Variants in WSCD1 observed in about 807,000 individuals in gnomAD.
The protein encoded by WSCD1 is sialate:O-sulfotransferase 1.
A neutral mutation model predicts 60.4 loss-of-function variants in WSCD1; 41 were observed. The observed-to-expected ratio is 0.68, with a 90% CI of 0.53 to 0.88. The LOEUF (loss-of-function observed/expected upper bound fraction) is 0.88, where lower values mean the gene tolerates loss of function less well. Ranked by LOEUF, WSCD1 falls within the 40% of genes least tolerant of loss-of-function variation. WSCD1 has a pLI of 0.00. For synonymous variants in WSCD1, 361 were observed against 332.5 expected, an observed-to-expected ratio of 1.09 and a Z score of -0.93; for missense variants, 784 against 796.2, an observed-to-expected ratio of 0.98 and a Z score of 0.18.
chr17:6,109,564 C>T (rs1338265933), intron 5 of WSCD1, 43 bp from the exon 6 acceptor site: 1 of 1,598,308 alleles, frequency 6.3e-7, no homozygotes, highest in African/African-American at 1.3e-5. Context: ...GCATGACCCT[C>T]AAATTCACTC....
In WSCD1 at chr17:6,101,985, G is replaced by A. The variant is rs1211707546; in HGVS notation, c.849+6762G>A. On this transcript the variant is annotated intron_variant, in intron 5 of 8. Transcript: ENST00000317744. The surrounding 1 kb of genome is among the most constrained non-coding windows in gnomAD (Gnocchi z 4.1). ...TCCACCGGCGATTATACCTTGTGATGTGAGGTTTGTTCTCCCAGCTGCTGT... is the reference window on the plus strand; with the variant it reads ...TCCACCGGCGATTATACCTTGTGATATGAGGTTTGTTCTCCCAGCTGCTGT... Among the ~76,000 whole-genome samples, 1 of 151,896 alleles carries A rather than the reference G, an allele frequency of 6.6e-6. No homozygotes were observed. The highest frequency in any genetic ancestry group is 1.5e-5 in the Non-Finnish European group (1 of 68,048).
At position 6,110,864 on chromosome 17, in the gene WSCD1, G is replaced by A. The variant is rs368585262; in HGVS notation, c.1103G>A (p.Arg368Gln). Reference sequence around the variant, plus strand: ...CCAGGAGCCGGGAACACATGGGCACGGCACCTCATTGAGCATGCCACTGGC... The same window carrying A: ...CCAGGAGCCGGGAACACATGGGCACAGCACCTCATTGAGCATGCCACTGGC... The part of the protein sequence containing the change: ...SFPGAGNTWA[R>Q]HLIEHATGFY... The change falls in exon 7 of 9, where the codon CGG becomes CAG. Residue 368 changes from arginine (R) to glutamine (Q), a missense_variant. Arg to Gln is a conservative substitution (Grantham distance 43). Transcript: ENST00000317744. This position sits in a 1 kb window ranked among gnomAD's most constrained non-coding sequence, Gnocchi z 4.8. 14 of 1,613,726 alleles carry A rather than the reference G, an allele frequency of 8.7e-6. No homozygotes were observed. Among genetic ancestry groups the A allele is most frequent in the South Asian group, 4.4e-5 (4 of 91,042 alleles).
intron 5 of WSCD1, among the ~76,000 whole-genome samples, chr17:6,106,187 G>A (rs1911077140): frequency 6.6e-6 from 1 of 152,202 alleles, no homozygotes; most frequent in Admixed American, 6.5e-5. Context: ...AACCAACCAG[G>A]TAAGTAAATT....
At chr17:6,105,754 C>A (rs1183826341) in intron 5 of WSCD1, among the ~76,000 whole-genome samples, 1 of 152,182 alleles carries the variant, frequency 6.6e-6, no homozygotes, top group East Asian at 1.9e-4. Context: ...GTCAGTGGGG[C>A]TGTTACTGCT....
rs1908470956 is a variant in WSCD1, at chr17:6,070,591, G to A, written c.-350G>A. The A allele has an allele frequency of 6.7e-6, 1 of 149,298 alleles. No individual in the cohort carries two copies. The highest frequency in any genetic ancestry group is 2.1e-4 in the South Asian group (1 of 4,818). 9.2% of individuals were successfully genotyped at this position (149,298 alleles called of 1,614,324 possible). On this transcript the variant is annotated 5_prime_UTR_variant, in exon 1 of 9. Coordinates refer to ENST00000317744, the MANE Select transcript of WSCD1 (RefSeq NM_015253.2). Reference sequence around the variant, plus strand: ...GGCACTGCGGGGGGCTGCGGGCTCGGCGCCCGGGGAAGGCGGGCCATGGGC... The same window carrying A: ...GGCACTGCGGGGGGCTGCGGGCTCGACGCCCGGGGAAGGCGGGCCATGGGC...
chr17:6,096,144 C>G (rs1213638803), intron 5 of WSCD1, among the ~76,000 whole-genome samples: 1 of 152,190 alleles, frequency 6.6e-6, no homozygotes, highest in East Asian at 1.9e-4. Context: ...TTTAATCCTC[C>G]TAACAACCCT....
rs200319298 is a variant in WSCD1, at chr17:6,109,595, G to A, written c.850-12G>A. The A allele has an allele frequency of 9.3e-4, 1,501 of 1,612,414 alleles. 18 individuals carry two copies. In the South Asian group the frequency reaches 0.013, roughly 13 times the overall value. ...CACTCAGTGTGCTTCTCTTCTTATC[G>A]TTCCCTGGCAGGAGTTCCCCTTGGC... On this transcript the variant is annotated splice_polypyrimidine_tract_variant and intron_variant, in intron 5 of 8. Coordinates refer to ENST00000317744, the MANE Select transcript of WSCD1 (RefSeq NM_015253.2).
At chr17:6,072,884 T>G (rs1275651922) in intron 1 of WSCD1, among the ~76,000 whole-genome samples, 1 of 152,206 alleles carries the variant, frequency 6.6e-6, no homozygotes, top group African/African-American at 2.4e-5. Flanking sequence ...ATGCCCTGCC[T>G]CCTGGTGTGG....
intron 1 of WSCD1, among the ~76,000 whole-genome samples, chr17:6,071,592 T>C (rs1908547760): frequency 6.6e-6 from 1 of 152,224 alleles, no homozygotes; most frequent in Non-Finnish European, 1.5e-5. Context: ...AACAGCATGC[T>C]TAGGTTTATG....
Position 6,081,061 on chromosome 17 carries a change from G to A in WSCD1, c.403G>A (p.Ala135Thr), listed in dbSNP as rs1181770920. The A allele has an allele frequency of 2.6e-6, 4 of 1,539,054 alleles. No individual in the cohort carries two copies. The Admixed American group carries it at 7.9e-5, about 30-fold the overall frequency. Residue 135 changes from alanine to threonine, a missense_variant, in exon 2 of 9, where the codon GCC becomes ACC. By Grantham distance (58) the Ala-to-Thr change is moderately conservative. Transcript: ENST00000317744. ...ACCGCCCGCCCTGGGCCCCGAGGCT[G>A]CCAGGCCCGCCATCCACAGCCGAGG... Reference protein sequence around the residue: ...QGPPALGPEAARPAIHSRGTY... With the variant: ...QGPPALGPEATRPAIHSRGTY...
chr17:6,094,694 GAAGGAAGGGAGAGGGAAGGAAGGAAGA>G (rs1222933367), intron 4 of WSCD1, among the ~76,000 whole-genome samples: 4 of 145,782 alleles, frequency 2.7e-5, no homozygotes, highest in Admixed American at 6.9e-5. Flanking sequence ...AGGAAGGAAG[GAAGGAAGGGAGAGGGAAGGAAGGAAGA>G]AAGGGAGGGA....
rs188364839 is a variant in WSCD1, at chr17:6,105,578, G to T, written c.850-4029G>T. On this transcript the variant is annotated intron_variant, in intron 5 of 8. Transcript: ENST00000317744. The stretch of plus-strand genomic sequence containing the variant: ...CAGAATCCAGTGATGTTGCTGGAGC[G>T]GTGATGTTGTAAATAAAACCACATT... Among the ~76,000 whole-genome samples, 26 of 152,278 alleles carry T rather than the reference G, an allele frequency of 1.7e-4. No homozygotes were observed. In the East Asian group the frequency reaches 5.0e-3, roughly 29 times the overall value.
intron 2 of WSCD1, among the ~76,000 whole-genome samples, chr17:6,083,263 C>T (rs1909394336): frequency 6.6e-6 from 1 of 152,204 alleles, no homozygotes; most frequent in Non-Finnish European, 1.5e-5. Flanking sequence ...GGGCATGTGA[C>T]CTTGGGCATA....
At chr17:6,094,486 C>T (rs1046165999) in intron 4 of WSCD1, among the ~76,000 whole-genome samples, 2 of 151,824 alleles carry the variant, frequency 1.3e-5, no homozygotes, top group East Asian at 1.9e-4. Context: ...TCTCAGGTCA[C>T]CTACCATGGG....
chr17:6,072,383 G>A (rs1908596946), intron 1 of WSCD1, among the ~76,000 whole-genome samples: 1 of 152,210 alleles, frequency 6.6e-6, no homozygotes, highest in African/African-American at 2.4e-5. Flanking sequence ...GCCTGAGCAG[G>A]CGACTCAGAG....
At chr17:6,117,157 C>T (rs73347075) in intron 7 of WSCD1, among the ~76,000 whole-genome samples, 2,052 of 152,304 alleles carry the variant, frequency 0.013, 30 homozygotes, top group African/African-American at 0.032. Context: ...GATGAATGGG[C>T]GGAGTCTGGC....
chr17:6,071,422 G>A (rs1473701118), intron 1 of WSCD1, among the ~76,000 whole-genome samples: 1 of 152,188 alleles, frequency 6.6e-6, no homozygotes, highest in African/African-American at 2.4e-5. Flanking sequence ...CTTCCGCTGA[G>A]CAGTGGGAAG....
intron 3 of WSCD1, among the ~76,000 whole-genome samples, chr17:6,089,995 G>A (rs8079279): frequency 0.66 from 100,095 of 151,938 alleles, 36,542 homozygotes; most frequent in East Asian, 0.88. Context: ...AGTCCAGTCC[G>A]TTTCCTGACT....
intron 5 of WSCD1, among the ~76,000 whole-genome samples, chr17:6,098,084 G>A (rs1910559385): frequency 6.9e-6 from 1 of 145,264 alleles, no homozygotes; most frequent in African/African-American, 2.6e-5. Context: ...CTGAGTAGCT[G>A]TGACTACAGG....
Sources: allele counts gnomAD v4.1 joint callset (sites outside exome capture counted in the v4.1 genomes callset), GRCh38; gene constraint gnomAD v4.1.1; non-coding constraint Gnocchi (gnomAD v3.1); transcripts MANE v1.5; gene names NCBI Gene and HGNC (gene_info 2026-07-23, HGNC 2026-07-21).